The following TMCO1 variants were observed in gnomAD, a reference collection of about 807,000 sequenced individuals.
TMCO1 encodes the protein transmembrane and coiled-coil domains 1.
A neutral mutation model predicts 29.3 loss-of-function variants in TMCO1; 29 were observed. The observed-to-expected ratio is 0.99, with a 90% CI of 0.74 to 1.35. The LOEUF (loss-of-function observed/expected upper bound fraction) is 1.35. TMCO1 is among the 40% of genes most tolerant of loss of function. The pLI is 0.00. For missense variants in TMCO1, 173 were observed against 225.5 expected (o/e 0.77, Z 1.49); for synonymous variants, 80 against 77.1 (o/e 1.04, Z -0.20).
chr1:165,736,440 G>A (rs1350542100), intron 6 of TMCO1, among the ~76,000 whole-genome samples: 2 of 151,890 alleles, frequency 1.3e-5, no homozygotes, highest in Non-Finnish European at 2.9e-5. Flanking sequence ...AGAACAGGCC[G>A]GGCGCGGGGG....
At chr1:165,757,792 C>G (rs1268823737) in intron 3 of TMCO1, among the ~76,000 whole-genome samples, 2 of 152,186 alleles carry the variant, frequency 1.3e-5, no homozygotes, top group African/African-American at 4.8e-5. Flanking sequence ...GCCACCATGC[C>G]TGGCAATAAA....
At chr1:165,756,167 T>G (rs10918275) in intron 3 of TMCO1, among the ~76,000 whole-genome samples, 5,606 of 152,164 alleles carry the variant, frequency 0.037, 329 homozygotes, top group African/African-American at 0.13. Flanking sequence ...CAAGCAATAT[T>G]GATGTAGGTA....
chr1:165,724,686 G>T (rs752302592), downstream of TMCO1: 6 of 454,056 alleles, frequency 1.3e-5, no homozygotes, highest in South Asian at 9.3e-5. Flanking sequence ...ATGTGTATCA[G>T]CTAACTGCAA....
intron 6 of TMCO1, among the ~76,000 whole-genome samples, chr1:165,730,165 C>CAAAAAAAAAAA (rs572104283): frequency 1.4e-4 from 14 of 102,934 alleles, no homozygotes; most frequent in African/African-American, 4.6e-4. Context: ...ACTAAAAATA[C>CAAAAAAAAAAA]ACACACACAA....
intron 6 of TMCO1, among the ~76,000 whole-genome samples, chr1:165,731,547 G>A (rs1456598814): frequency 2.6e-5 from 4 of 152,124 alleles, no homozygotes; most frequent in African/African-American, 7.2e-5. Flanking sequence ...AAAAACCAAT[G>A]TAAAAATGTT....
intron 3 of TMCO1, among the ~76,000 whole-genome samples, chr1:165,758,343 G>A (rs1652272675): frequency 6.6e-6 from 1 of 152,094 alleles, no homozygotes; most frequent in Non-Finnish European, 1.5e-5. Context: ...ATCACCTGAG[G>A]TCAGGAGTTC....
At chr1:165,743,784 A>G (rs1054116433) in intron 5 of TMCO1, among the ~76,000 whole-genome samples, 3 of 151,798 alleles carry the variant, frequency 2.0e-5, no homozygotes, top group Non-Finnish European at 4.4e-5. Context: ...ATCTTTATAT[A>G]TAAGTTATTT....
At chr1:165,743,029 T>C (rs2101798400) in intron 6 of TMCO1, 138 bp downstream of exon 6, 1 of 1,031,870 alleles carries the variant, frequency 9.7e-7, no homozygotes, top group Non-Finnish European at 1.5e-6. Context: ...TTTTGGAAGA[T>C]ACACTGAAAT....
At position 165,729,316 on chromosome 1, in the gene TMCO1, ATTCT is replaced by A. The variant is rs1392657369; in HGVS notation, c.469-1199_469-1196del. On this transcript the variant is annotated intron_variant, in intron 6 of 6. Transcript: ENST00000367881. ...TTTAAAAACATACTTTGTTCTCATA[ATTCT>A]TTTTTTTTTTTTTTGAGATGGAGTC... Among the ~76,000 whole-genome samples the A allele has an allele frequency of 8.5e-5, 11 of 129,702 alleles. No homozygotes were observed. The South Asian group carries it at 2.2e-3, about 26-fold the overall frequency. 85.1% of individuals were successfully genotyped at this position (129,702 alleles called of 152,430 possible).
chr1:165,768,706 CAG>C lies in TMCO1; in HGVS notation c.44_45del (p.Ser15CysfsTer33). On this transcript the variant is annotated frameshift_variant, in exon 1 of 7. Transcript: ENST00000367881. LOFTEE classifies it high-confidence loss of function. ...CCCTCTGCGAGCAGAGCCGTGCACA[CAG>C]AGATAAAAACGATGAGGAGAGTGTC... ...FADTLLIVFI[S>X]VCTALLAEGI... 1 of 1,614,118 alleles carries C rather than the reference CAG, an allele frequency of 6.2e-7. No individual in the cohort carries two copies. The highest frequency in any genetic ancestry group is 8.5e-7 in the Non-Finnish European group (1 of 1,180,010).
intron 3 of TMCO1, among the ~76,000 whole-genome samples, chr1:165,758,683 A>C (rs982882572): frequency 3.3e-5 from 5 of 152,230 alleles, no homozygotes; most frequent in African/African-American, 9.6e-5. Flanking sequence ...TAAAAATAGA[A>C]TCTTTTTCTA....
intron 6 of TMCO1, among the ~76,000 whole-genome samples, chr1:165,733,910 C>G (rs1349653841): frequency 6.6e-6 from 1 of 152,162 alleles, no homozygotes; most frequent in East Asian, 1.9e-4. Flanking sequence ...GATTAAGAAC[C>G]AGTGATCAAG....
chr1:165,752,356 C>T (rs542510438), intron 4 of TMCO1, among the ~76,000 whole-genome samples, 187 bp from the exon 5 acceptor site: 18 of 150,404 alleles, frequency 1.2e-4, no homozygotes, highest in Non-Finnish European at 1.9e-4. Flanking sequence ...CCCGGGTTCA[C>T]GCCATTCCCT....
chr1:165,732,438 T>A (rs1033984914), intron 6 of TMCO1, among the ~76,000 whole-genome samples: 19 of 150,832 alleles, frequency 1.3e-4, no homozygotes, highest in Middle Eastern at 3.5e-3. Flanking sequence ...GCCTATTTTT[T>A]TAAAAAATCA....
rs60350214 is a variant in TMCO1 at position 165,756,804 on chromosome 1, C to T, written c.209-2530G>A. Among the ~76,000 whole-genome samples the T allele has an allele frequency of 2.5e-3, 380 of 150,920 alleles. 2 individuals carry two copies. Among genetic ancestry groups the T allele is most frequent in the African/African-American group, 8.7e-3 (360 of 41,256 alleles). On this transcript the variant is annotated intron_variant, in intron 3 of 6. Coordinates refer to ENST00000367881, the MANE Select transcript of TMCO1 (RefSeq NM_019026.6). ...GGCTTTACTCTTTATACTCCCTTTTCCCCAGATACTATATATATATTTACA... is the reference window on the plus strand; with the variant it reads ...GGCTTTACTCTTTATACTCCCTTTTTCCCAGATACTATATATATATTTACA...
intron 6 of TMCO1, among the ~76,000 whole-genome samples, chr1:165,734,554 A>C (rs1651294034): frequency 6.6e-6 from 1 of 151,828 alleles, no homozygotes; most frequent in Admixed American, 6.6e-5. Context: ...TCCAGGCTGG[A>C]GTGCAGTGGT....
At chr1:165,754,146 G>C in intron 4 of TMCO1, 82 bp downstream of exon 4, 1 of 1,162,562 alleles carries the variant, frequency 8.6e-7, no homozygotes, top group Non-Finnish European at 1.3e-6. Flanking sequence ...CTGAAAAGGT[G>C]AGTGCAATGC....
At chr1:165,745,518 A>T (rs1651767146) in intron 5 of TMCO1, among the ~76,000 whole-genome samples, 1 of 147,234 alleles carries the variant, frequency 6.8e-6, no homozygotes, top group African/African-American at 2.5e-5. Flanking sequence ...GTCATGGTGC[A>T]TGTCTGTAGT....
chr1:165,748,115 C>T lies in TMCO1; in HGVS notation c.323+3987G>A, dbSNP rs187317180. ...TGGAGGTTACGGTGAGCCCAGATCA[C>T]GCCACTGCACTTCAGCCTGGGTGAC... On this transcript the variant is annotated intron_variant, in intron 5 of 6. Transcript: ENST00000367881. 1.7e-3 allele frequency among the ~76,000 whole-genome samples: 257 copies of T among 151,246 alleles called. 9 individuals carry two copies. The highest frequency in any genetic ancestry group is 0.016 in the Admixed American group (236 of 15,188).
Sources: gnomAD v4.1 joint callset for allele counts (sites outside exome capture counted in the v4.1 genomes callset) on GRCh38, gnomAD v4.1.1 for gene constraint, MANE v1.5 for transcripts, NCBI Gene and HGNC (gene_info 2026-07-23, HGNC 2026-07-21) for gene names.